The following SCNN1G variants were observed in gnomAD, a reference collection of about 807,000 sequenced individuals.
The protein encoded by SCNN1G is epithelial sodium channel subunit gamma.
In SCNN1G, 27 loss-of-function variants were observed where a neutral mutation model predicts 64.6. The ratio of observed to expected loss-of-function variants is 0.42; its 90% CI spans 0.31 to 0.58. The LOEUF (loss-of-function observed/expected upper bound fraction) is 0.58. Among genes scored for constraint, SCNN1G ranks in the 20% least tolerant of loss-of-function variants. The pLI, the probability that SCNN1G is intolerant of heterozygous loss-of-function variation, is 0.18. For synonymous variants in SCNN1G, 330 were observed against 314.2 expected (o/e 1.05, Z -0.53); for missense variants, 743 against 823.4 (o/e 0.90, Z 1.19).
chr16:23,182,927 G>C (rs1959543301), intron 1 of SCNN1G, 114 bp downstream of exon 1: 1 of 152,394 alleles, frequency 6.6e-6, no homozygotes, highest in Admixed American at 6.5e-5. Context: ...GCCAGCATCA[G>C]CCGGTGGCGG....
At chr16:23,205,686 T>A (rs1202097813) in intron 6 of SCNN1G, among the ~76,000 whole-genome samples, 1 of 140,322 alleles carries the variant, frequency 7.1e-6, no homozygotes, top group East Asian at 2.2e-4. Flanking sequence ...GGCAACAGAG[T>A]GAGGCTCCAT....
At position 23,215,720 on chromosome 16, in the gene SCNN1G, G is replaced by C. The variant is rs1486709798; in HGVS notation, c.*251G>C. 4 of 571,172 alleles carry C rather than the reference G, an allele frequency of 7.0e-6. No individual in the cohort carries two copies. Among genetic ancestry groups the C allele is most frequent in the Non-Finnish European group, 1.3e-5 (4 of 319,672 alleles). The allele number at this position is 571,172 out of a possible 1,614,324, so 35.4% of individuals were successfully genotyped here. ...ATCCCGGGACCTGAACTATTAGCAC[G>C]TCACTAGAGACTGGGAGCCGAGGCA... is the stretch of plus-strand genomic sequence containing the variant. On this transcript the variant is annotated 3_prime_UTR_variant, in exon 13 of 13. Coordinates refer to ENST00000300061, the MANE Select transcript of SCNN1G (RefSeq NM_001039.4).
At chr16:23,190,937 G>A (rs573793208) in intron 3 of SCNN1G, among the ~76,000 whole-genome samples, 84 of 142,132 alleles carry the variant, frequency 5.9e-4, no homozygotes, top group Admixed American at 1.1e-3. Context: ...TCTACCTCCC[G>A]GGTTCAAGTG....
At chr16:23,202,162 T>A (rs745716046) in intron 6 of SCNN1G, among the ~76,000 whole-genome samples, 31 of 150,712 alleles carry the variant, frequency 2.1e-4, no homozygotes, top group Admixed American at 5.4e-4. Flanking sequence ...TCCATCTCTG[T>A]GGAAACAGAC....
chr16:23,196,216 A>G (rs1056436961), intron 5 of SCNN1G, among the ~76,000 whole-genome samples: 7 of 152,216 alleles, frequency 4.6e-5, no homozygotes, highest in Non-Finnish European at 8.8e-5. Context: ...TTTAAGGAGC[A>G]AAAGATTCAT....
At position 23,204,346 on chromosome 16, in the gene SCNN1G, G is replaced by T. The variant is rs1389370862; in HGVS notation, c.1078-5404G>T. Among the ~76,000 whole-genome samples, 20 of 117,030 alleles carry T rather than the reference G, an allele frequency of 1.7e-4. 1 individual carries two copies. The highest frequency in any genetic ancestry group is 3.5e-4 in the Admixed American group (4 of 11,350). 76.8% of individuals were successfully genotyped at this position (117,030 alleles called of 152,430 possible). A position where few individuals can be genotyped will look rare whatever the true frequency, so the allele number is the denominator to read the frequency against. On this transcript the variant is annotated intron_variant, in intron 6 of 12. Coordinates refer to ENST00000300061, the MANE Select transcript of SCNN1G (RefSeq NM_001039.4). ...ATATATATATATATAGAGAGAGAGA[G>T]AGAGAGAGAGAGAGAGAGAGAGAGA...
chr16:23,212,812 C>A, intron 9 of SCNN1G, 25 bp from the exon 10 acceptor site: 1 of 1,614,004 alleles, frequency 6.2e-7, no homozygotes, highest in Non-Finnish European at 8.5e-7. Flanking sequence ...GCTGCCTACA[C>A]TCATGCTGTC....
At chr16:23,190,553 T>G (rs1013638491) in intron 3 of SCNN1G, among the ~76,000 whole-genome samples, 2 of 152,160 alleles carry the variant, frequency 1.3e-5, no homozygotes, top group African/African-American at 4.8e-5. Context: ...GTGTTGTTAA[T>G]GCTTAAGAGT....
intron 1 of SCNN1G, among the ~76,000 whole-genome samples, chr16:23,185,001 C>T (rs1484024940): frequency 6.6e-6 from 1 of 152,210 alleles, no homozygotes; most frequent in Non-Finnish European, 1.5e-5. Flanking sequence ...AATTAAATAG[C>T]TGTGTTCCTT....
chr16:23,213,929 C>A (rs148553845), intron 11 of SCNN1G, among the ~76,000 whole-genome samples: 1 of 152,200 alleles, frequency 6.6e-6, no homozygotes, highest in Non-Finnish European at 1.5e-5. Flanking sequence ...ATGAAAGCAA[C>A]CCATTATTTC....
rs895895209 is a variant in SCNN1G, at chr16:23,201,970, C to T, written c.1077+4543C>T. Among the ~76,000 whole-genome samples the T allele has an allele frequency of 3.9e-5, 6 of 152,244 alleles. No individual in the cohort carries two copies. In the Middle Eastern group the frequency reaches 0.014, roughly 345 times the overall value. ...TAGCTGGGACCATAGGCACATGCCA[C>T]CATATCTGGCTAATTTTTACATTTT... On this transcript the variant is annotated intron_variant, in intron 6 of 12. Coordinates refer to ENST00000300061, the MANE Select transcript of SCNN1G (RefSeq NM_001039.4).
chr16:23,193,209 C>A (rs911678870), intron 4 of SCNN1G, among the ~76,000 whole-genome samples: 1 of 151,716 alleles, frequency 6.6e-6, no homozygotes, highest in Non-Finnish European at 1.5e-5. Context: ...GACTAAGAAC[C>A]ATCGTTCTAA....
chr16:23,186,932 G>C (rs951809884), intron 2 of SCNN1G, among the ~76,000 whole-genome samples: 1 of 151,884 alleles, frequency 6.6e-6, no homozygotes, highest in Non-Finnish European at 1.5e-5. Context: ...CCGAGTAGCT[G>C]GGACTACAGG....
chr16:23,189,330 C>T, intron 2 of SCNN1G, 41 bp from the exon 3 acceptor site: 1 of 1,600,392 alleles, frequency 6.2e-7, no homozygotes, highest in South Asian at 1.1e-5. Context: ...TCTGCCAGGG[C>T]CGCCTCCCCT....
chr16:23,209,934 C>T, intron 7 of SCNN1G, 86 bp downstream of exon 7: 1 of 925,006 alleles, frequency 1.1e-6, no homozygotes, highest in South Asian at 1.3e-5. Context: ...GTGTGGCTTG[C>T]ACCAGGAACT....
chr16:23,210,395 G>A (rs779243971), intron 7 of SCNN1G, among the ~76,000 whole-genome samples: 2 of 152,156 alleles, frequency 1.3e-5, no homozygotes, highest in East Asian at 1.9e-4. Flanking sequence ...AAAATGAAAC[G>A]ATACAGCAAC....
chr16:23,204,592 A>G (rs1414889603), intron 6 of SCNN1G, among the ~76,000 whole-genome samples: 1 of 150,412 alleles, frequency 6.6e-6, no homozygotes, highest in Non-Finnish European at 1.5e-5. Context: ...ACATACATAA[A>G]GGATAATGAT....
At chr16:23,194,828 G>A (rs1042810080) in intron 5 of SCNN1G, 2 of 160,154 alleles carry the variant, frequency 1.2e-5, no homozygotes, top group African/African-American at 4.8e-5. Flanking sequence ...TCTGCACTCT[G>A]TTAGTCTGCT....
chr16:23,212,236 C>T (rs1960091369), intron 8 of SCNN1G, 85 bp downstream of exon 8: 1 of 874,960 alleles, frequency 1.1e-6, no homozygotes, highest in Non-Finnish European at 2.0e-6. Flanking sequence ...GGACTCCACC[C>T]CTGTTGCCTT....
Sources: allele counts gnomAD v4.1 joint callset (sites outside exome capture counted in the v4.1 genomes callset), GRCh38; gene constraint gnomAD v4.1.1; transcripts MANE v1.5; gene names NCBI Gene and HGNC (gene_info 2026-07-23, HGNC 2026-07-21).